Variants in DAW1 observed in about 807,000 individuals in gnomAD.
The protein encoded by DAW1 is dynein assembly factor with WD repeat domains 1.
In DAW1, 47 loss-of-function variants were observed where a neutral mutation model predicts 56.5. That is an observed-to-expected ratio of 0.83 (90% CI 0.66 to 1.06). DAW1 has a LOEUF of 1.06. Among genes scored for constraint, DAW1 ranks in the 50% least tolerant of loss-of-function variants. DAW1 has a pLI of 0.00. For missense variants in DAW1, 505 were observed against 499.3 expected (o/e 1.01, Z -0.11); for synonymous variants, 190 against 179.0 (o/e 1.06, Z -0.49).
chr2:227,898,446 G>A (rs1187177202), intron 6 of DAW1, among the ~76,000 whole-genome samples, 165 bp downstream of exon 6: 1 of 151,808 alleles, frequency 6.6e-6, no homozygotes, highest in Non-Finnish European at 1.5e-5. Flanking sequence ...TCAGCCTCCC[G>A]AGTAGCTGGG....
chr2:227,894,407 C>A (rs1234421427), intron 5 of DAW1, among the ~76,000 whole-genome samples: 1 of 151,946 alleles, frequency 6.6e-6, no homozygotes, highest in Non-Finnish European at 1.5e-5. Context: ...CAGAGTGAGA[C>A]TCTGTCTTAA....
At chr2:227,917,551 C>T (rs1054153346) in intron 10 of DAW1, among the ~76,000 whole-genome samples, 4 of 147,374 alleles carry the variant, frequency 2.7e-5, no homozygotes, top group Admixed American at 6.7e-5. Flanking sequence ...TGAGCCACTG[C>T]GCCCAGCCGA....
At chr2:227,893,733 A>G in intron 4 of DAW1, 62 bp from the exon 5 acceptor site, 2 of 1,557,390 alleles carry the variant, frequency 1.3e-6, no homozygotes, top group Admixed American at 2.0e-5. Flanking sequence ...CAGGTAAAAC[A>G]TGAAGTCTTT....
chr2:227,872,040 A>G (rs766595582), intron 1 of DAW1: 92 of 395,792 alleles, frequency 2.3e-4, no homozygotes, highest in Middle Eastern at 2.0e-3. Context: ...AGAAGTTCAT[A>G]GTGCTTGATT....
chr2:227,924,150 A>G lies in DAW1; in HGVS notation c.*182A>G, dbSNP rs887222849. The stretch of plus-strand genomic sequence containing the variant: ...AACATGACAAAGTTATGCCACTCCA[A>G]TATTATTATTTGATGGCGATGGCAG... On this transcript the variant is annotated 3_prime_UTR_variant, in exon 13 of 13. Coordinates refer to ENST00000309931, the MANE Select transcript of DAW1 (RefSeq NM_178821.3). 16 of 677,196 alleles carry G rather than the reference A, an allele frequency of 2.4e-5. No homozygotes were observed. The East Asian group carries it at 4.4e-4, about 19-fold the overall frequency. The allele number at this position is 677,196 out of a possible 1,614,324, so 41.9% of individuals were successfully genotyped here.
chr2:227,910,524 A>ACACACACACC (rs756824641), intron 10 of DAW1, among the ~76,000 whole-genome samples: 3 of 150,200 alleles, frequency 2.0e-5, no homozygotes, highest in African/African-American at 4.9e-5. Flanking sequence ...ACACACACAC[A>ACACACACACC]CCCCTCATAT....
intron 8 of DAW1, among the ~76,000 whole-genome samples, chr2:227,905,792 T>TTGACC (rs1691662437): frequency 6.6e-6 from 1 of 152,194 alleles, no homozygotes; most frequent in South Asian, 2.1e-4. Flanking sequence ...TCTCGCTCTG[T>TTGACC]TGCCCAGGCT....
intron 3 of DAW1, 42 bp downstream of exon 3, chr2:227,890,042 A>C: frequency 6.8e-7 from 1 of 1,463,256 alleles, no homozygotes; most frequent in Non-Finnish European, 9.1e-7. Context: ...ATTTCAGTGA[A>C]ATGATTGATA....
Position 227,923,946 on chromosome 2 carries a change from A to G in DAW1, c.1226A>G (p.Asn409Ser), listed in dbSNP as rs1199701603. 1 of 1,614,076 alleles carries G rather than the reference A, an allele frequency of 6.2e-7. No individual in the cohort carries two copies. Residue 409 changes from asparagine to serine, a missense_variant, in exon 13 of 13, where the codon AAT becomes AGT. Physicochemically the swap from Asn to Ser is conservative, Grantham distance 46. Transcript: ENST00000309931. ...GNIVITGSKD[N>S]TCRIWR ...TCTGTTTTATTAGGCAGCAAGGATAATACCTGTAGGATATGGCGTTGACTG... is the reference window on the plus strand; with the variant it reads ...TCTGTTTTATTAGGCAGCAAGGATAGTACCTGTAGGATATGGCGTTGACTG...
chr2:227,875,687 A>G (rs1176231700), intron 1 of DAW1, among the ~76,000 whole-genome samples: 1 of 152,180 alleles, frequency 6.6e-6, no homozygotes, highest in Non-Finnish European at 1.5e-5. Flanking sequence ...TCTTCTTCCC[A>G]TGATATTTCA....
At chr2:227,882,602 T>A (rs538140009) in intron 1 of DAW1, among the ~76,000 whole-genome samples, 1 of 152,350 alleles carries the variant, frequency 6.6e-6, no homozygotes, top group East Asian at 1.9e-4. Flanking sequence ...TGCTCTACAG[T>A]GAAGTCTGAT....
intron 1 of DAW1, among the ~76,000 whole-genome samples, chr2:227,878,120 T>C (rs1046223360): frequency 6.6e-6 from 1 of 152,242 alleles, no homozygotes; most frequent in Non-Finnish European, 1.5e-5. Context: ...TATTAGATCA[T>C]ACTCTGTGGA....
chr2:227,920,909 C>T (rs574637263), intron 11 of DAW1, among the ~76,000 whole-genome samples: 13 of 152,222 alleles, frequency 8.5e-5, no homozygotes, highest in African/African-American at 2.9e-4. Context: ...GAACTCCTGA[C>T]CTCAGGTGAT....
chr2:227,905,000 T>C lies in DAW1; in HGVS notation c.720T>C (p.Asp240=). 6.2e-7 allele frequency: 1 copy of C among 1,613,834 alleles called. No individual in the cohort carries two copies. The highest frequency in any genetic ancestry group is 8.5e-7 in the Non-Finnish European group (1 of 1,179,772). The change falls in exon 8 of 13, where the codon GAT becomes GAC. Residue 240 remains aspartate (D), a synonymous_variant. Coordinates refer to ENST00000309931, the MANE Select transcript of DAW1 (RefSeq NM_178821.3). ...SGDRIITGSF[D]HTVVVWDADT... ...ACAGAATCATCACGGGGTCTTTTGA[T>C]CATACCGTTGTAGTGTGGGACGCTG...
intron 11 of DAW1, among the ~76,000 whole-genome samples, chr2:227,919,209 GA>G (rs58496380): frequency 0.35 from 47,716 of 134,514 alleles, 7,878 homozygotes; most frequent in Admixed American, 0.47. Flanking sequence ...AAAAAAAAAA[GA>G]AAAAAAAAAA....
chr2:227,914,106 C>T (rs1691895939), intron 10 of DAW1, among the ~76,000 whole-genome samples: 1 of 152,000 alleles, frequency 6.6e-6, no homozygotes, highest in Admixed American at 6.6e-5. Flanking sequence ...GACCTCACAT[C>T]ACATCTGTGT....
In DAW1 at chr2:227,905,945, G is replaced by A. The variant is rs1048965579; in HGVS notation, c.756-291G>A. ...AATTTTTTGTATTTTTAGTAGAGAC[G>A]GGGCTTCACTGTGTTAGCCAGGATG... is the stretch of plus-strand genomic sequence containing the variant. On this transcript the variant is annotated intron_variant, in intron 8 of 12. Coordinates refer to ENST00000309931, the MANE Select transcript of DAW1 (RefSeq NM_178821.3). Among the ~76,000 whole-genome samples the A allele has an allele frequency of 2.0e-5, 3 of 152,162 alleles. No homozygotes were observed. The South Asian group carries it at 6.2e-4, about 32-fold the overall frequency.
At chr2:227,880,624 T>G (rs566700761) in intron 1 of DAW1, among the ~76,000 whole-genome samples, 120 of 152,348 alleles carry the variant, frequency 7.9e-4, no homozygotes, top group Non-Finnish European at 9.6e-4. Context: ...CATTTTTAAT[T>G]ACTTTTCTGT....
At chr2:227,916,393 G>C (rs1179955471) in intron 10 of DAW1, among the ~76,000 whole-genome samples, 2 of 152,114 alleles carry the variant, frequency 1.3e-5, no homozygotes, top group East Asian at 3.9e-4. Flanking sequence ...TGCTTGAGAA[G>C]TACATATGAT....
Sources: gnomAD v4.1 joint callset for allele counts (sites outside exome capture counted in the v4.1 genomes callset) on GRCh38, gnomAD v4.1.1 for gene constraint, MANE v1.5 for transcripts, NCBI Gene and HGNC (gene_info 2026-07-23, HGNC 2026-07-21) for gene names.